The following ERLIN1 variants were observed in gnomAD, a reference collection of about 807,000 sequenced individuals.
ERLIN1 encodes the protein ER lipid raft associated 1, also known as erlin-1.
ERLIN1 carries 24 observed loss-of-function variants against 46.9 expected under a neutral mutation model. The observed-to-expected ratio is 0.51, with a 90% CI of 0.37 to 0.72. The LOEUF (loss-of-function observed/expected upper bound fraction) is 0.72, where lower values mean the gene tolerates loss of function less well. Ranked by LOEUF, ERLIN1 falls within the 30% of genes least tolerant of loss-of-function variation. The probability of loss-of-function intolerance (pLI) is 0.00; values close to 1 mark genes in which losing one functional copy is unlikely to be tolerated. For synonymous variants in ERLIN1, 158 were observed against 143.2 expected (o/e 1.10, Z -0.74); for missense variants, 293 against 417.9 (o/e 0.70, Z 2.61).
intron 7 of ERLIN1, among the ~76,000 whole-genome samples, chr10:100,165,264 C>T (rs1326537424): frequency 6.6e-6 from 1 of 152,180 alleles, no homozygotes; most frequent in Non-Finnish European, 1.5e-5. Context: ...AAACACTTCC[C>T]CTCAAAGTTT....
At chr10:100,180,515 G>C (rs1844573703) in intron 2 of ERLIN1, among the ~76,000 whole-genome samples, 2 of 152,246 alleles carry the variant, frequency 1.3e-5, no homozygotes, top group Non-Finnish European at 2.9e-5. Context: ...CAGGTCTAGA[G>C]TGGGAGAAAT....
chr10:100,170,846 G>A (rs969466922), intron 6 of ERLIN1, among the ~76,000 whole-genome samples: 5 of 152,154 alleles, frequency 3.3e-5, no homozygotes, highest in Admixed American at 3.3e-4. Context: ...TAATGAAAGA[G>A]TAGGAATGGG....
In ERLIN1 at chr10:100,152,242, A is replaced by C; in HGVS notation, c.936T>G (p.Cys312Trp). The C allele has an allele frequency of 1.9e-6, 3 of 1,612,152 alleles. No individual in the cohort carries two copies. Among genetic ancestry groups the C allele is most frequent in the Non-Finnish European group, 2.5e-6 (3 of 1,178,134 alleles). Residue 312 changes from cysteine to tryptophan, a missense_variant, in exon 11 of 11, where the codon TGT (cysteine) becomes TGG (tryptophan). Cys to Trp is a radical substitution (Grantham distance 215). Coordinates refer to ENST00000421367, the MANE Select transcript of ERLIN1 (RefSeq NM_006459.4). ...NIPNMFVDSS[C>W]ALKYSDIRTG... ...TCCTAATATCTGAATATTTCAAAGC[A>C]CATGAGGAGTCCACGAACATGTTAG...
chr10:100,174,281 T>C lies in ERLIN1; in HGVS notation c.431A>G (p.Asp144Gly). ...TTGCTTCAGGTTTTCATCTATTTGA[T>C]CTGTTTTTTAAGCCAAGAACAACAG... Reference protein sequence around the residue: ...TLQEVYIELFDQIDENLKQAL... With the variant: ...TLQEVYIELFGQIDENLKQAL... The change falls in exon 6 of 11, where the codon GAT (aspartate) becomes GGT (glycine). Residue 144 changes from aspartate (D) to glycine (G), a missense_variant and splice_region_variant. This residue lies in a region of ERLIN1 where 148 missense variants were observed against 266.5 expected (regional missense o/e 0.56). Transcript: ENST00000421367. 6.4e-7 allele frequency: 1 copy of C among 1,554,986 alleles called. No homozygotes were observed.
chr10:100,154,817 C>G, intron 10 of ERLIN1, 43 bp downstream of exon 10: 2 of 1,527,248 alleles, frequency 1.3e-6, no homozygotes, highest in Non-Finnish European at 1.8e-6. Flanking sequence ...GAAAGCAAAA[C>G]CCCGAAATGC....
At chr10:100,155,115 ACTGTCAAATAACT>A (rs1230782039) in intron 9 of ERLIN1, among the ~76,000 whole-genome samples, 176 bp from the exon 10 acceptor site, 1 of 152,132 alleles carries the variant, frequency 6.6e-6, no homozygotes, top group Non-Finnish European at 1.5e-5. Flanking sequence ...TACTCTTTTC[ACTGTCAAATAACT>A]CTCAGCTCAT....
At chr10:100,152,464 G>A (rs1425443397) in intron 10 of ERLIN1, 112 bp from the exon 11 acceptor site, 2 of 707,644 alleles carry the variant, frequency 2.8e-6, no homozygotes, top group African/African-American at 1.7e-5. Flanking sequence ...AGTCAAGTCT[G>A]AATAACTGCC....
rs115272876 is a variant in ERLIN1 at position 100,173,793 on chromosome 10, A to G, written c.504+415T>C. Reference sequence around the variant, plus strand: ...AATGTTCTCTTACTCTTACAGCAATAATCATTCAATAGATTCATCTGTCAA... The same window carrying G: ...AATGTTCTCTTACTCTTACAGCAATGATCATTCAATAGATTCATCTGTCAA... On this transcript the variant is annotated intron_variant, in intron 6 of 10. Coordinates refer to ENST00000421367, the MANE Select transcript of ERLIN1 (RefSeq NM_006459.4). Among the ~76,000 whole-genome samples, 432 of 152,338 alleles carry G rather than the reference A, an allele frequency of 2.8e-3. 2 individuals carry two copies. Among genetic ancestry groups the G allele is most frequent in the African/African-American group, 0.01 (419 of 41,582 alleles).
chr10:100,156,264 T>A, intron 8 of ERLIN1, 30 bp from the exon 9 acceptor site: 1 of 1,454,400 alleles, frequency 6.9e-7, no homozygotes, highest in Non-Finnish European at 9.6e-7. Flanking sequence ...GAAGACACAT[T>A]CAAAACCATT....
At chr10:100,171,907 C>T (rs1844019087) in intron 6 of ERLIN1, among the ~76,000 whole-genome samples, 1 of 152,102 alleles carries the variant, frequency 6.6e-6, no homozygotes, top group South Asian at 2.1e-4. Context: ...TATTTGGGTA[C>T]AATCATGCAA....
chr10:100,154,872 G>A lies in ERLIN1; in HGVS notation c.813C>T (p.Ala271=), dbSNP rs747050921. The A allele has an allele frequency of 8.1e-6, 13 of 1,613,580 alleles. No individual in the cohort carries two copies. In the Admixed American group the frequency reaches 1.8e-4, roughly 23 times the overall value. The stretch of plus-strand genomic sequence containing the variant: ...GGGAGCCAGTCACCTTGTTTGAGGT[G>A]GCATATTTGTGTGCAGCATAATATT... ...DAEYYAAHKY[A]TSNKHKLTPE... is the part of the protein sequence containing the mutation. The change falls in exon 10 of 11, where the codon GCC becomes GCT. Residue 271 remains alanine, a synonymous_variant. Transcript: ENST00000421367.
intron 5 of ERLIN1, 76 bp from the exon 6 acceptor site, chr10:100,174,357 TAATC>T: frequency 9.7e-7 from 1 of 1,028,608 alleles, no homozygotes; most frequent in Non-Finnish European, 1.5e-6. Flanking sequence ...GAAACAAAAC[TAATC>T]ATTATTAGAC....
chr10:100,165,820 G>A lies in ERLIN1; in HGVS notation c.563+1528C>T, dbSNP rs990051794. Among the ~76,000 whole-genome samples the A allele has an allele frequency of 2.6e-5, 4 of 151,700 alleles. No individual in the cohort carries two copies. In the East Asian group the frequency reaches 5.8e-4, roughly 22 times the overall value. On this transcript the variant is annotated intron_variant, in intron 7 of 10. Coordinates refer to ENST00000421367, the MANE Select transcript of ERLIN1 (RefSeq NM_006459.4). ...GGCTCACTGCAACCTCTACCTCCCC[G>A]GTTGAAGCGACTCTCCTACCTCAGC...
At chr10:100,180,406 C>A (rs568433759) in intron 2 of ERLIN1, among the ~76,000 whole-genome samples, 1 of 151,916 alleles carries the variant, frequency 6.6e-6, no homozygotes, top group Admixed American at 6.5e-5. Context: ...AAAACAAAAC[C>A]AAAAACACAA....
At chr10:100,166,958 T>C (rs1843677307) in intron 7 of ERLIN1, among the ~76,000 whole-genome samples, 2 of 152,214 alleles carry the variant, frequency 1.3e-5, no homozygotes, top group South Asian at 4.1e-4. Context: ...CAACAAGGTA[T>C]CTATTCCTAC....
intron 8 of ERLIN1, among the ~76,000 whole-genome samples, chr10:100,158,551 A>G (rs1056973349): frequency 2.0e-5 from 3 of 150,948 alleles, no homozygotes; most frequent in Non-Finnish European, 4.4e-5. Context: ...AAATTACTAG[A>G]AAAAAAAAAT....
chr10:100,152,249 G>C lies in ERLIN1; in HGVS notation c.929C>G (p.Ser310Cys), dbSNP rs766711343. Residue 310 changes from serine to cysteine, a missense_variant, in exon 11 of 11, where the codon TCC (serine) becomes TGC (cysteine). Ser to Cys is a moderately radical substitution (Grantham distance 112, BLOSUM62 -1). Coordinates refer to ENST00000421367, the MANE Select transcript of ERLIN1 (RefSeq NM_006459.4). The stretch of plus-strand genomic sequence containing the variant: ...ATCTGAATATTTCAAAGCACATGAG[G>C]AGTCCACGAACATGTTAGGGATGTT... ...GSNIPNMFVD[S>C]SCALKYSDIR... The C allele has an allele frequency of 6.2e-7, 1 of 1,611,050 alleles. No individual in the cohort carries two copies. The highest frequency in any genetic ancestry group is 1.1e-5 in the South Asian group (1 of 91,036).
intron 4 of ERLIN1, 114 bp downstream of exon 4, chr10:100,178,019 A>C: frequency 1.4e-6 from 1 of 699,280 alleles, no homozygotes; most frequent in South Asian, 1.8e-5. Flanking sequence ...TTTATTAATC[A>C]GTGATCAATG....
At chr10:100,160,134 T>C (rs1843285630) in intron 8 of ERLIN1, among the ~76,000 whole-genome samples, 1 of 152,014 alleles carries the variant, frequency 6.6e-6, no homozygotes. Context: ...ATTTGAAATA[T>C]CAGATGAAAT....
Sources: allele counts gnomAD v4.1 joint callset (sites outside exome capture counted in the v4.1 genomes callset), GRCh38; gene constraint gnomAD v4.1.1; regional missense constraint gnomAD v4.1.1; transcripts MANE v1.5; gene names NCBI Gene and HGNC (gene_info 2026-07-23, HGNC 2026-07-21).